The following IMMP2L variants were observed in gnomAD, a reference collection of about 807,000 sequenced individuals.
IMMP2L encodes inner mitochondrial membrane peptidase subunit 2, also known as mitochondrial inner membrane protease subunit 2.
In IMMP2L, 18 loss-of-function variants were observed where a neutral mutation model predicts 19.3. The observed-to-expected ratio is 0.93, with a 90% CI of 0.64 to 1.38. The LOEUF (loss-of-function observed/expected upper bound fraction) is 1.38. Among genes scored for constraint, IMMP2L ranks in the 40% most tolerant of loss-of-function variants. The pLI, the probability that IMMP2L is intolerant of heterozygous loss-of-function variation, is 0.00. For synonymous variants in IMMP2L, 76 were observed against 73.0 expected (o/e 1.04, Z -0.21); for missense variants, 233 against 218.2 (o/e 1.07, Z -0.43).
intron 4 of IMMP2L, among the ~76,000 whole-genome samples, chr7:110,961,190 C>T (rs962983591): frequency 1.3e-5 from 2 of 151,832 alleles, no homozygotes; most frequent in African/African-American, 4.8e-5. Context: ...TACAGTTGTC[C>T]CTCTGTATTT....
At position 111,167,306 on chromosome 7, in the gene IMMP2L, T is replaced by C. The variant is rs371486209; in HGVS notation, c.240-203741A>G. On this transcript the variant is annotated intron_variant, in intron 3 of 5. Coordinates refer to ENST00000405709, the MANE Select transcript of IMMP2L (RefSeq NM_032549.4). Reference sequence around the variant, plus strand: ...ACTAACTGATTATCACCATGCTCTGTTCTGGACTGTTTTTATGGGTTCCCT... The same window carrying C: ...ACTAACTGATTATCACCATGCTCTGCTCTGGACTGTTTTTATGGGTTCCCT... Among the ~76,000 whole-genome samples the C allele has an allele frequency of 2.1e-3, 322 of 152,074 alleles. 2 individuals carry two copies. The highest frequency in any genetic ancestry group is 7.4e-3 in the African/African-American group (306 of 41,510).
At chr7:111,190,006 T>C (rs910871544) in intron 3 of IMMP2L, among the ~76,000 whole-genome samples, 2 of 152,136 alleles carry the variant, frequency 1.3e-5, no homozygotes, top group Non-Finnish European at 2.9e-5. Context: ...ATAATTTCAG[T>C]TGTATTATCA....
chr7:111,223,009 T>C (rs1411487447), intron 3 of IMMP2L, among the ~76,000 whole-genome samples: 1 of 151,986 alleles, frequency 6.6e-6, no homozygotes, highest in African/African-American at 2.4e-5. Context: ...CAGAGTTACA[T>C]ATATAAATAT....
intron 5 of IMMP2L, among the ~76,000 whole-genome samples, chr7:110,750,377 T>C (rs769947535): frequency 1.3e-5 from 2 of 152,066 alleles, no homozygotes; most frequent in African/African-American, 2.4e-5. Flanking sequence ...CTGAGAAGCA[T>C]TGAAACCCCT....
rs1474286616 is a variant in IMMP2L, at chr7:111,358,484, A to G, written c.239+128754T>C. Among the ~76,000 whole-genome samples, 4 of 152,128 alleles carry G rather than the reference A, an allele frequency of 2.6e-5. No homozygotes were observed. In the East Asian group the frequency reaches 7.7e-4, roughly 29 times the overall value. ...TGATTATCTTGGCTTCTTCCCTAAC[A>G]CAATAATCTTTGGTTACCATAATGC... is the stretch of plus-strand genomic sequence containing the variant. On this transcript the variant is annotated intron_variant, in intron 3 of 5. Transcript: ENST00000405709.
intron 4 of IMMP2L, among the ~76,000 whole-genome samples, chr7:110,895,869 T>C (rs1403520444): frequency 1.3e-5 from 2 of 152,218 alleles, no homozygotes; most frequent in Non-Finnish European, 1.5e-5. Context: ...ATTGGTCTTC[T>C]ATCCTGCAGC....
At chr7:110,691,817 C>T (rs2130548903) in intron 5 of IMMP2L, among the ~76,000 whole-genome samples, 1 of 152,080 alleles carries the variant, frequency 6.6e-6, no homozygotes, top group East Asian at 1.9e-4. Context: ...TAAATGTTGG[C>T]ATAGATGTGG....
At chr7:111,034,528 C>A (rs1248632418) in intron 3 of IMMP2L, among the ~76,000 whole-genome samples, 4 of 152,042 alleles carry the variant, frequency 2.6e-5, no homozygotes, top group South Asian at 2.1e-4. Context: ...CTATATTTAT[C>A]TATTCATCCA....
chr7:111,361,140 T>A (rs557282572), intron 3 of IMMP2L, among the ~76,000 whole-genome samples: 2 of 152,048 alleles, frequency 1.3e-5, no homozygotes, highest in African/African-American at 4.8e-5. Flanking sequence ...ATAAACTATA[T>A]TTAAATATAG....
chr7:111,210,615 T>TAAA (rs1170289329), intron 3 of IMMP2L, among the ~76,000 whole-genome samples: 2 of 152,102 alleles, frequency 1.3e-5, no homozygotes, highest in Middle Eastern at 3.2e-3. Flanking sequence ...TTTCCTTTTC[T>TAAA]AGTTTTACTA....
chr7:111,387,159 A>G (rs1217475949), intron 3 of IMMP2L, among the ~76,000 whole-genome samples: 1 of 152,178 alleles, frequency 6.6e-6, no homozygotes, highest in Non-Finnish European at 1.5e-5. Context: ...GTTCCTGCAG[A>G]TAACATTTAC....
At chr7:111,096,081 G>A (rs1267672187) in intron 3 of IMMP2L, among the ~76,000 whole-genome samples, 2 of 151,876 alleles carry the variant, frequency 1.3e-5, no homozygotes, top group Non-Finnish European at 2.9e-5. Flanking sequence ...CTTGTAAGAA[G>A]GATACAAAAT....
chr7:110,835,317 G>A (rs928776552), intron 5 of IMMP2L, among the ~76,000 whole-genome samples: 5 of 152,110 alleles, frequency 3.3e-5, no homozygotes, highest in African/African-American at 1.2e-4. Context: ...AAGAATAAAG[G>A]TGTTTATTAT....
chr7:111,259,394 G>A (rs1004297707), intron 3 of IMMP2L, among the ~76,000 whole-genome samples: 3 of 152,056 alleles, frequency 2.0e-5, no homozygotes, highest in Non-Finnish European at 2.9e-5. Flanking sequence ...CAAAACTTTG[G>A]GAAGCCAAGG....
chr7:111,163,202 G>A (rs1439291006), intron 3 of IMMP2L, among the ~76,000 whole-genome samples: 3 of 151,998 alleles, frequency 2.0e-5, no homozygotes, highest in African/African-American at 7.2e-5. Context: ...CTTCGAGTGG[G>A]CACCTTGCTC....
intron 3 of IMMP2L, among the ~76,000 whole-genome samples, chr7:111,084,416 C>T (rs887935252): frequency 1.3e-5 from 2 of 151,232 alleles, no homozygotes; most frequent in African/African-American, 4.9e-5. Context: ...CAAGTAGAGA[C>T]ATTTACCAGA....
chr7:111,182,782 T>A (rs977918221), intron 3 of IMMP2L, among the ~76,000 whole-genome samples: 12 of 151,970 alleles, frequency 7.9e-5, no homozygotes, highest in Non-Finnish European at 1.0e-4. Flanking sequence ...TGGCACAATG[T>A]AAGCAGAGAC....
At chr7:111,504,853 T>G (rs1194472806) in intron 2 of IMMP2L, among the ~76,000 whole-genome samples, 1 of 151,926 alleles carries the variant, frequency 6.6e-6, no homozygotes, top group East Asian at 1.9e-4. Flanking sequence ...ATGTTAGACC[T>G]AAAACCATAA....
intron 2 of IMMP2L, among the ~76,000 whole-genome samples, chr7:111,497,717 A>C (rs1843725750): frequency 6.6e-6 from 1 of 152,026 alleles, no homozygotes; most frequent in South Asian, 2.1e-4. Flanking sequence ...CTGGGTTTAA[A>C]TCTATGCAAT....
Sources: gnomAD v4.1 joint callset for allele counts (sites outside exome capture counted in the v4.1 genomes callset) on GRCh38, gnomAD v4.1.1 for gene constraint, MANE v1.5 for transcripts, NCBI Gene and HGNC (gene_info 2026-07-23, HGNC 2026-07-21) for gene names.